Variants in MICAL2 observed in about 807,000 individuals in gnomAD.
MICAL2 encodes the protein [F-actin]-monooxygenase MICAL2.
A neutral mutation model predicts 127.3 loss-of-function variants in MICAL2; 77 were observed. The ratio of observed to expected loss-of-function variants is 0.60; its 90% CI spans 0.50 to 0.73. MICAL2 has a LOEUF of 0.73. Ranked by LOEUF, MICAL2 falls within the 30% of genes least tolerant of loss-of-function variation. The probability of loss-of-function intolerance (pLI) is 0.00; values close to 1 mark genes in which losing one functional copy is unlikely to be tolerated. For synonymous variants in MICAL2, 570 were observed against 551.1 expected (o/e 1.03, Z -0.48); for missense variants, 1,351 against 1,434.4 (o/e 0.94, Z 0.94).
At chr11:12,154,474 T>C (rs771928030) in intron 2 of MICAL2, among the ~76,000 whole-genome samples, 1 of 152,134 alleles carries the variant, frequency 6.6e-6, no homozygotes, top group Non-Finnish European at 1.5e-5. Context: ...GGTAGAAACT[T>C]TGGGAAATAC....
At chr11:12,356,344 G>A (rs543862885) in intron 34 of MICAL2, among the ~76,000 whole-genome samples, 12 of 152,262 alleles carry the variant, frequency 7.9e-5, no homozygotes, top group African/African-American at 1.9e-4. Context: ...TAAACAATCC[G>A]TGTAGGAGAT....
In MICAL2 at chr11:12,227,257, T is replaced by C. The variant is rs575030752; in HGVS notation, c.1995+126T>C. ...ACATGGATCAGGCGCTCCCGGAAGA[T>C]GCTAGTAAAACTCGGATTAGTGACT... On this transcript the variant is annotated intron_variant, in intron 15 of 27. Transcript: ENST00000683283. 4.7e-5 allele frequency: 32 copies of C among 677,760 alleles called. No homozygotes were observed. The African/African-American group carries it at 4.8e-4, about 10-fold the overall frequency. The allele number at this position is 677,760 out of a possible 1,614,324, so 42.0% of individuals were successfully genotyped here.
chr11:12,286,800 G>A (rs1021161677), intron 2 of MICAL2: 16 of 229,498 alleles, frequency 7.0e-5, no homozygotes, highest in Middle Eastern at 1.5e-3. Flanking sequence ...ATTTGAGCCC[G>A]AGAGGTCGAG....
At chr11:12,297,097 T>A (rs1404932357), downstream of MICAL2, among the ~76,000 whole-genome samples, 1 of 152,176 alleles carries the variant, frequency 6.6e-6, no homozygotes, top group East Asian at 1.9e-4. Context: ...GCAAAGGATA[T>A]GTGAATTGGG....
At chr11:12,246,365 G>T (rs920374011) in intron 21 of MICAL2, among the ~76,000 whole-genome samples, 27 of 152,222 alleles carry the variant, frequency 1.8e-4, no homozygotes, top group Non-Finnish European at 1.0e-4. Context: ...CCAGAAGGGA[G>T]GCCATTGCTG....
At chr11:12,135,804 G>C (rs1301279747) in intron 1 of MICAL2, among the ~76,000 whole-genome samples, 2 of 152,186 alleles carry the variant, frequency 1.3e-5, no homozygotes, top group African/African-American at 4.8e-5. Context: ...TTTGTCCACA[G>C]TCTGGGGAGG....
At position 12,227,137 on chromosome 11, in the gene MICAL2, T is replaced by C. The variant is rs1857582779; in HGVS notation, c.1995+6T>C. ...CAAGGAAGAGGACTCCACGGGTAAG[T>C]TTTGGCCTGGTTTCGGTTTTATTTC... On this transcript the variant is annotated splice_donor_region_variant and intron_variant, in intron 15 of 27. Transcript: ENST00000683283. 6.2e-7 allele frequency: 1 copy of C among 1,604,328 alleles called. No individual in the cohort carries two copies.
At chr11:12,220,590 G>T in intron 9 of MICAL2, 132 bp downstream of exon 9, 1 of 1,259,152 alleles carries the variant, frequency 7.9e-7, no homozygotes, top group Non-Finnish European at 1.1e-6. Flanking sequence ...ACTCTGCCAA[G>T]CCTGTCCCGG....
At chr11:12,127,078 T>C (rs1850986882) in intron 1 of MICAL2, among the ~76,000 whole-genome samples, 1 of 152,064 alleles carries the variant, frequency 6.6e-6, no homozygotes, top group Non-Finnish European at 1.5e-5. Context: ...CAAAGAGGCT[T>C]TAATGAGAGA....
chr11:12,324,299 G>C (rs1864332567), intron 31 of MICAL2, among the ~76,000 whole-genome samples: 1 of 152,132 alleles, frequency 6.6e-6, no homozygotes, highest in South Asian at 2.1e-4. Flanking sequence ...CCTATTCTCA[G>C]CCACCCCTCC....
intron 2 of MICAL2, among the ~76,000 whole-genome samples, chr11:12,285,661 G>A (rs1235315827): frequency 2.6e-5 from 4 of 152,188 alleles, no homozygotes; most frequent in Non-Finnish European, 5.9e-5. Flanking sequence ...GAGAGGAGCT[G>A]AAGGAGCTGG....
intron 29 of MICAL2, among the ~76,000 whole-genome samples, chr11:12,315,360 C>T (rs926072283): frequency 2.6e-5 from 4 of 152,156 alleles, no homozygotes; most frequent in African/African-American, 9.7e-5. Context: ...CTGAATCTTA[C>T]AAATTCTAAT....
chr11:12,198,415 C>T (rs984760899), intron 3 of MICAL2, among the ~76,000 whole-genome samples: 5 of 152,174 alleles, frequency 3.3e-5, no homozygotes, highest in Middle Eastern at 3.2e-3. Context: ...GCAGCCAGGT[C>T]CCTATTGCAA....
intron 15 of MICAL2, among the ~76,000 whole-genome samples, chr11:12,234,639 A>G (rs112183590): frequency 3.3e-4 from 50 of 152,356 alleles, no homozygotes; most frequent in African/African-American, 1.1e-3. Flanking sequence ...ACAAATATCA[A>G]TGGACTAAAC....
intron 1 of MICAL2, among the ~76,000 whole-genome samples, chr11:12,113,935 A>C (rs1390572715): frequency 6.6e-6 from 1 of 152,220 alleles, no homozygotes; most frequent in African/African-American, 2.4e-5. Flanking sequence ...TAAAACACTC[A>C]GAAACTTGGC....
upstream of MICAL2, among the ~76,000 whole-genome samples, chr11:12,275,093 C>A (rs78148289): frequency 1.3e-5 from 2 of 152,064 alleles, no homozygotes; most frequent in African/African-American, 4.8e-5. Flanking sequence ...GAATGAAGAA[C>A]GAAAGGACAA....
intron 16 of MICAL2, among the ~76,000 whole-genome samples, chr11:12,236,666 C>A (rs1859111390): frequency 1.3e-5 from 2 of 152,216 alleles, no homozygotes; most frequent in South Asian, 4.1e-4. Context: ...TTGCTTTTAG[C>A]CTTTAAGGCA....
At chr11:12,217,242 C>T (rs897503869) in intron 8 of MICAL2, among the ~76,000 whole-genome samples, 20 of 152,202 alleles carry the variant, frequency 1.3e-4, no homozygotes, top group Non-Finnish European at 2.5e-4. Flanking sequence ...CCAGGCAGCA[C>T]GGTGGCCATT....
At chr11:12,192,297 C>T (rs761307176) in intron 3 of MICAL2, among the ~76,000 whole-genome samples, 1 of 152,202 alleles carries the variant, frequency 6.6e-6, no homozygotes. Context: ...GCCTCCTGGG[C>T]ACCCAGGCTC....
Sources: gnomAD v4.1 joint callset for allele counts (sites outside exome capture counted in the v4.1 genomes callset) on GRCh38, gnomAD v4.1.1 for gene constraint, MANE v1.5 for transcripts, NCBI Gene and HGNC (gene_info 2026-07-23, HGNC 2026-07-21) for gene names.